STXBP4: variants seen among roughly 807,000 people sequenced by gnomAD.
STXBP4 encodes the protein syntaxin binding protein 4.
A neutral mutation model predicts 76.1 loss-of-function variants in STXBP4; 55 were observed. That is an observed-to-expected ratio of 0.72 (90% CI 0.58 to 0.91). STXBP4 has a LOEUF of 0.91. Ranked by LOEUF, STXBP4 falls within the 40% of genes least tolerant of loss-of-function variation. The pLI is 0.00. For missense variants in STXBP4, 618 were observed against 636.9 expected (o/e 0.97, Z 0.32); for synonymous variants, 201 against 220.2 (o/e 0.91, Z 0.77).
intron 16 of STXBP4, among the ~76,000 whole-genome samples, chr17:55,115,843 G>T (rs2079774704): frequency 6.6e-6 from 1 of 151,918 alleles, no homozygotes; most frequent in Non-Finnish European, 1.5e-5. Context: ...AGCATCTAGG[G>T]TTATTTTTCA....
the STXBP4 span, among the ~76,000 whole-genome samples, chr17:55,204,949 G>C: frequency 6.6e-6 from 1 of 151,854 alleles, no homozygotes; most frequent in Admixed American, 6.6e-5. Flanking sequence ...AAGAACTATT[G>C]AATAACTACC....
At chr17:54,989,753 G>C (rs1039362008) in intron 3 of STXBP4, among the ~76,000 whole-genome samples, 1 of 152,166 alleles carries the variant, frequency 6.6e-6, no homozygotes, top group African/African-American at 2.4e-5. Context: ...GTCTGACCCA[G>C]GTATTCAGAA....
chr17:55,137,147 T>C (rs1283372900), intron 16 of STXBP4, among the ~76,000 whole-genome samples: 1 of 152,114 alleles, frequency 6.6e-6, no homozygotes, highest in African/African-American at 2.4e-5. Flanking sequence ...TTGAAGAACA[T>C]TACATATGGA....
rs2080340365 is a variant in STXBP4, at chr17:55,161,907, C to G, written c.*1996C>G. ...GTAGAAGCTAGGGTTCAAGGCAGAT[C>G]TGTGATTCCAGAAGCTGTTCTCTAA... On this transcript the variant is annotated 3_prime_UTR_variant, in exon 18 of 18. Transcript: ENST00000376352. 1 of 152,156 alleles carries G rather than the reference C, an allele frequency of 6.6e-6. No homozygotes were observed. Among genetic ancestry groups the G allele is most frequent in the Admixed American group, 6.5e-5 (1 of 15,280 alleles). The allele number at this position is 152,156 out of a possible 1,614,324, so 9.4% of individuals were successfully genotyped here.
intron 8 of STXBP4, among the ~76,000 whole-genome samples, chr17:55,008,514 A>G (rs1352181150): frequency 1.3e-5 from 2 of 152,178 alleles, no homozygotes; most frequent in African/African-American, 4.8e-5. Context: ...ACGAGAAAAT[A>G]GCATGCAGAT....
Position 55,073,012 on chromosome 17 carries a change from G to A in STXBP4, c.1124G>A (p.Arg375His), listed in dbSNP as rs770185487. 26 of 1,613,966 alleles carry A rather than the reference G, an allele frequency of 1.6e-5. No homozygotes were observed. The highest frequency in any genetic ancestry group is 8.9e-5 in the East Asian group (4 of 44,854). The change falls in exon 13 of 18, where the codon CGT (arginine) becomes CAT (histidine). Residue 375 changes from arginine to histidine, a missense_variant. Transcript: ENST00000376352. ...GMEMDYEEVI[R>H]LLEAKITELK... Reference sequence around the variant, plus strand: ...GAAATGGACTATGAAGAAGTGATCCGTCTGTTAGAGGCCAAGATTACAGAG... The same window carrying A: ...GAAATGGACTATGAAGAAGTGATCCATCTGTTAGAGGCCAAGATTACAGAG...
chr17:55,043,689 A>G, intron 11 of STXBP4: 1 of 1,542,236 alleles, frequency 6.5e-7, no homozygotes, highest in Non-Finnish European at 8.8e-7. Context: ...TTTGGGAAAT[A>G]CATTTTTTTT....
At chr17:55,100,689 C>T (rs2079552726) in intron 16 of STXBP4, among the ~76,000 whole-genome samples, 1 of 152,140 alleles carries the variant, frequency 6.6e-6, no homozygotes, top group Non-Finnish European at 1.5e-5. Context: ...TGGACAGACT[C>T]TTTGGGTGGT....
chr17:54,975,629 A>G (rs2077463129), intron 1 of STXBP4, among the ~76,000 whole-genome samples: 2 of 152,184 alleles, frequency 1.3e-5, no homozygotes, highest in African/African-American at 4.8e-5. Context: ...ATAAAGGGAA[A>G]GGCAAATTCA....
At chr17:55,092,142 C>T (rs1208411189) in intron 16 of STXBP4, among the ~76,000 whole-genome samples, 2 of 152,064 alleles carry the variant, frequency 1.3e-5, no homozygotes, top group East Asian at 3.9e-4. Context: ...ACACAATGGA[C>T]TCTGGGGACT....
intron 12 of STXBP4, among the ~76,000 whole-genome samples, chr17:55,047,950 C>T (rs2078811415): frequency 6.6e-6 from 1 of 151,756 alleles, no homozygotes; most frequent in Non-Finnish European, 1.5e-5. Flanking sequence ...GGAGGCAAGG[C>T]TTGAAAAATT....
chr17:54,984,345 T>C (rs867861676), intron 1 of STXBP4, among the ~76,000 whole-genome samples: 6,440 of 128,816 alleles, frequency 0.05, 221 homozygotes, highest in East Asian at 0.2. Context: ...TTTTCTTTTT[T>C]TTTTTTTTTT....
intron 16 of STXBP4, among the ~76,000 whole-genome samples, chr17:55,131,090 A>G (rs2145122221): frequency 6.6e-6 from 1 of 152,340 alleles, no homozygotes; most frequent in Middle Eastern, 3.4e-3. Flanking sequence ...TGAGGAACCT[A>G]CGTACTATTT....
chr17:54,999,790 C>G lies in STXBP4; in HGVS notation c.446C>G (p.Pro149Arg). 1 of 1,613,538 alleles carries G rather than the reference C, an allele frequency of 6.2e-7. No homozygotes were observed. Among genetic ancestry groups the G allele is most frequent in the Non-Finnish European group, 8.5e-7 (1 of 1,179,698 alleles). ...LFSSPPEILI[P>R]KTSSTPKTNN... ...TCTTCTCCTCCTGAAATACTAATCC[C>G]AAAGACCTCATCCACTCCCAAAACA... The change falls in exon 6 of 18, where the codon CCA (proline) becomes CGA (arginine). Residue 149 changes from proline (P) to arginine (R), a missense_variant. By Grantham distance (103) the Pro-to-Arg change is moderately radical (BLOSUM62 -2). Coordinates refer to ENST00000376352, the MANE Select transcript of STXBP4 (RefSeq NM_178509.6).
chr17:55,025,137 T>G (rs2144648669), intron 8 of STXBP4, among the ~76,000 whole-genome samples: 1 of 150,310 alleles, frequency 6.7e-6, no homozygotes, highest in Admixed American at 6.8e-5. Flanking sequence ...CGAGACTCCG[T>G]CTCAAAAAAA....
In STXBP4 at chr17:55,073,101, A is replaced by T. The variant is rs779972783; in HGVS notation, c.1188+25A>T. ...AGTAAGCAAAGCAGTCATCTCTTCCAGTTACCATGGTTTCCTTGCCGTTGT... is the reference window on the plus strand; with the variant it reads ...AGTAAGCAAAGCAGTCATCTCTTCCTGTTACCATGGTTTCCTTGCCGTTGT... On this transcript the variant is annotated intron_variant, in intron 13 of 17. Coordinates refer to ENST00000376352, the MANE Select transcript of STXBP4 (RefSeq NM_178509.6). The T allele has an allele frequency of 3.1e-6, 5 of 1,608,324 alleles. No homozygotes were observed. The Admixed American group carries it at 8.5e-5, about 27-fold the overall frequency.
the STXBP4 span, among the ~76,000 whole-genome samples, chr17:55,191,637 C>CTCAG: frequency 6.6e-6 from 1 of 152,198 alleles, no homozygotes; most frequent in African/African-American, 2.4e-5. Context: ...CAGTCTCTGA[C>CTCAG]TCTTTTTCTA....
chr17:55,115,875 A>T (rs2079774961), intron 16 of STXBP4, among the ~76,000 whole-genome samples: 1 of 151,876 alleles, frequency 6.6e-6, no homozygotes, highest in South Asian at 2.1e-4. Context: ...CAGGATTCAA[A>T]GCTGAACTAA....
At chr17:55,134,681 A>C (rs1257882535) in intron 16 of STXBP4, among the ~76,000 whole-genome samples, 15 of 152,156 alleles carry the variant, frequency 9.9e-5, no homozygotes, top group Admixed American at 9.8e-4. Flanking sequence ...AGAGTATGAG[A>C]AGATCATTTC....
Sources: allele counts gnomAD v4.1 joint callset (sites outside exome capture counted in the v4.1 genomes callset), GRCh38; gene constraint gnomAD v4.1.1; transcripts MANE v1.5; gene names NCBI Gene and HGNC (gene_info 2026-07-23, HGNC 2026-07-21).